The following RPS6KA5 variants were observed in gnomAD, a reference collection of about 807,000 sequenced individuals.
RPS6KA5 encodes the protein ribosomal protein S6 kinase A5.
RPS6KA5 carries 27 observed loss-of-function variants against 85.5 expected under a neutral mutation model. The ratio of observed to expected loss-of-function variants is 0.32; its 90% CI spans 0.23 to 0.44. RPS6KA5 has a LOEUF of 0.44. Ranked by LOEUF, RPS6KA5 falls within the 20% of genes least tolerant of loss-of-function variation. The pLI, the probability that RPS6KA5 is intolerant of heterozygous loss-of-function variation, is 1.00. For synonymous variants in RPS6KA5, 334 were observed against 348.2 expected (o/e 0.96, Z 0.46); for missense variants, 811 against 980.9 (o/e 0.83, Z 2.31).
chr14:91,049,485 G>A (rs2042985655), intron 1 of RPS6KA5, among the ~76,000 whole-genome samples: 1 of 152,060 alleles, frequency 6.6e-6, no homozygotes, highest in Non-Finnish European at 1.5e-5. Context: ...CATGGTGGCG[G>A]GCGCCTGTAG....
chr14:91,050,515 G>A (rs1239064647), intron 1 of RPS6KA5, among the ~76,000 whole-genome samples: 1 of 152,154 alleles, frequency 6.6e-6, no homozygotes, highest in Non-Finnish European at 1.5e-5. Context: ...TGCAACTTCC[G>A]CCTCCCAGGT....
At chr14:91,021,931 G>A (rs1410578312) in intron 1 of RPS6KA5, among the ~76,000 whole-genome samples, 1 of 152,090 alleles carries the variant, frequency 6.6e-6, no homozygotes, top group Non-Finnish European at 1.5e-5. Flanking sequence ...CAAGATCTGG[G>A]CATCAGGTAT....
At position 90,875,299 on chromosome 14, in the gene RPS6KA5, C is replaced by G; in HGVS notation, c.1898G>C (p.Ser633Thr). Residue 633 changes from serine (S) to threonine (T), a missense_variant, in exon 15 of 17, where the codon AGC becomes ACC. By Grantham distance (58) the Ser-to-Thr change is moderately conservative (BLOSUM62 1). Around this residue, in one of 3 missense-constraint regions of RPS6KA5, gnomAD observed 650 missense variants for 793.4 expected, o/e 0.82. Coordinates refer to ENST00000614987, the MANE Select transcript of RPS6KA5 (RefSeq NM_004755.4). ...QSHDRSLTCT[S>T]AVEIMKKIKK... ...AATTTTCTTCATGATTTCCACCGCG[C>G]TGGTACACGTCAAACTTCGGTCATG... The G allele has an allele frequency of 6.2e-7, 1 of 1,613,966 alleles. No individual in the cohort carries two copies. The highest frequency in any genetic ancestry group is 8.5e-7 in the Non-Finnish European group (1 of 1,179,896).
At chr14:90,974,845 CATT>C (rs1160179522) in intron 3 of RPS6KA5, among the ~76,000 whole-genome samples, 3 of 152,180 alleles carry the variant, frequency 2.0e-5, no homozygotes, top group African/African-American at 7.2e-5. Flanking sequence ...GAAAATAAAT[CATT>C]GTTTAAGCTA....
intron 1 of RPS6KA5, among the ~76,000 whole-genome samples, chr14:91,033,828 A>C (rs1203859065): frequency 6.6e-6 from 1 of 152,204 alleles, no homozygotes; most frequent in African/African-American, 2.4e-5. Flanking sequence ...GAAACAAAAA[A>C]CGTTTACAGC....
chr14:90,893,223 C>T (rs2034654847), intron 13 of RPS6KA5, among the ~76,000 whole-genome samples: 1 of 152,172 alleles, frequency 6.6e-6, no homozygotes, highest in African/African-American at 2.4e-5. Flanking sequence ...GACAGCTAAT[C>T]TCCAATGTAC....
At chr14:90,903,352 C>T (rs2035293382) in intron 8 of RPS6KA5, among the ~76,000 whole-genome samples, 1 of 152,206 alleles carries the variant, frequency 6.6e-6, no homozygotes, top group Non-Finnish European at 1.5e-5. Context: ...TTTCCAAAGG[C>T]TCTACAGATG....
chr14:90,899,490 G>A, intron 11 of RPS6KA5, 68 bp from the exon 12 acceptor site: 2 of 1,020,050 alleles, frequency 2.0e-6, no homozygotes, highest in Non-Finnish European at 3.1e-6. Context: ...ACTGCCCCAA[G>A]ACTAATTTTG....
chr14:91,046,219 A>C (rs1437396405), intron 1 of RPS6KA5, among the ~76,000 whole-genome samples: 1 of 152,198 alleles, frequency 6.6e-6, no homozygotes, highest in Non-Finnish European at 1.5e-5. Flanking sequence ...TATGCTCCCT[A>C]CTAAAACCCA....
intron 7 of RPS6KA5, among the ~76,000 whole-genome samples, chr14:90,912,929 T>G (rs965174821): frequency 1.5e-4 from 22 of 143,362 alleles, no homozygotes; most frequent in African/African-American, 5.5e-4. Context: ...TTTTTTTTTT[T>G]GGGTGGAGTC....
At position 90,862,911 on chromosome 14, in the gene RPS6KA5, A is replaced by C. The variant is rs1595080631; in HGVS notation, c.*9163T>G. On this transcript the variant is annotated 3_prime_UTR_variant, in exon 17 of 17. Transcript: ENST00000614987. ...TTGAAGAATAAAGAAGAAAAATACA[A>C]GATTATCTCAACAGAGGCAGAAAAA... is the stretch of plus-strand genomic sequence containing the variant. 1 of 152,320 alleles carries C rather than the reference A, an allele frequency of 6.6e-6. No individual in the cohort carries two copies. Among genetic ancestry groups the C allele is most frequent in the East Asian group, 1.9e-4 (1 of 5,192 alleles). 9.4% of individuals were successfully genotyped at this position (152,320 alleles called of 1,614,324 possible).
intron 7 of RPS6KA5, among the ~76,000 whole-genome samples, chr14:90,912,090 T>TC (rs1302635070): frequency 6.6e-6 from 1 of 152,046 alleles, no homozygotes; most frequent in East Asian, 1.9e-4. Context: ...TCCTTTGTCC[T>TC]CCCCCAGCAT....
chr14:90,931,785 T>C (rs1050399677), intron 5 of RPS6KA5, among the ~76,000 whole-genome samples: 10 of 152,126 alleles, frequency 6.6e-5, no homozygotes, highest in Non-Finnish European at 1.5e-5. Context: ...ACAACCTAAA[T>C]GTACCTCAGT....
chr14:90,850,764 C>G lies in RPS6KA5; in HGVS notation c.*21310G>C, dbSNP rs559376384. 6.6e-6 allele frequency: 1 copy of G among 152,196 alleles called. No homozygotes were observed. Among genetic ancestry groups the G allele is most frequent in the African/African-American group, 2.4e-5 (1 of 41,452 alleles). 9.4% of individuals were successfully genotyped at this position (152,196 alleles called of 1,614,324 possible). A position where few individuals can be genotyped will look rare whatever the true frequency, so the allele number is the denominator to read the frequency against. ...TAAGGCTCCTAAACTCTAAGATTCTCGTATGTGCTGAAAACACTGCTATGA... is the reference window on the plus strand; with the variant it reads ...TAAGGCTCCTAAACTCTAAGATTCTGGTATGTGCTGAAAACACTGCTATGA... On this transcript the variant is annotated 3_prime_UTR_variant, in exon 17 of 17. Coordinates refer to ENST00000614987, the MANE Select transcript of RPS6KA5 (RefSeq NM_004755.4).
chr14:90,986,228 A>G (rs1359441151), intron 2 of RPS6KA5, among the ~76,000 whole-genome samples: 1 of 152,242 alleles, frequency 6.6e-6, no homozygotes, highest in African/African-American at 2.4e-5. Flanking sequence ...ATGATTTTTA[A>G]ATGATTCACA....
intron 1 of RPS6KA5, among the ~76,000 whole-genome samples, chr14:91,002,367 C>G (rs2040828730): frequency 1.3e-5 from 2 of 152,126 alleles, no homozygotes; most frequent in Admixed American, 6.5e-5. Flanking sequence ...ACATACAATT[C>G]TTTCAAATTC....
intron 1 of RPS6KA5, among the ~76,000 whole-genome samples, chr14:91,030,281 T>C (rs764882548): frequency 1.2e-4 from 19 of 152,092 alleles, no homozygotes; most frequent in Non-Finnish European, 1.0e-4. Context: ...TTGGGGTCAC[T>C]GGGTATAGAG....
intron 1 of RPS6KA5, among the ~76,000 whole-genome samples, chr14:91,055,873 C>T (rs1428077487): frequency 2.0e-5 from 3 of 152,188 alleles, no homozygotes; most frequent in Admixed American, 2.0e-4. Context: ...CATGAGAATG[C>T]TCAAGCCACG....
rs1379157742 is a variant in RPS6KA5 at position 90,861,695 on chromosome 14, C to G, written c.*10379G>C. On this transcript the variant is annotated 3_prime_UTR_variant, in exon 17 of 17. Transcript: ENST00000614987. ...TGGGCAGATCACGAGGTCAGGAGAT[C>G]TAGACCATCCTGGCCAACATGGTGA... 1 of 151,990 alleles carries G rather than the reference C, an allele frequency of 6.6e-6. No homozygotes were observed. Among genetic ancestry groups the G allele is most frequent in the East Asian group, 1.9e-4 (1 of 5,166 alleles). 9.4% of individuals were successfully genotyped at this position (151,990 alleles called of 1,614,324 possible).
Sources: allele counts gnomAD v4.1 joint callset (sites outside exome capture counted in the v4.1 genomes callset), GRCh38; gene constraint gnomAD v4.1.1; regional missense constraint gnomAD v4.1.1; transcripts MANE v1.5; gene names NCBI Gene and HGNC (gene_info 2026-07-23, HGNC 2026-07-21).